CCDC171: variants seen among roughly 807,000 people sequenced by gnomAD.
The protein encoded by CCDC171 is coiled-coil domain containing 171.
In CCDC171, 177 loss-of-function variants were observed where a neutral mutation model predicts 168.2. That is an observed-to-expected ratio of 1.05 (90% CI 0.93 to 1.19). The LOEUF (loss-of-function observed/expected upper bound fraction) is 1.19, where lower values mean the gene tolerates loss of function less well. Among genes scored for constraint, CCDC171 ranks in the 50% most tolerant of loss-of-function variants. The pLI is 0.00. For missense variants in CCDC171, 1,991 were observed against 1,539.0 expected, an observed-to-expected ratio of 1.29 and a Z score of -4.91; for synonymous variants, 687 against 540.8, an observed-to-expected ratio of 1.27 and a Z score of -3.75.
intron 1 of CCDC171, among the ~76,000 whole-genome samples, chr9:16,044,690 A>G (rs897177624): frequency 2.0e-5 from 3 of 152,158 alleles, no homozygotes; most frequent in African/African-American, 7.2e-5. Flanking sequence ...TCCCTCCCAC[A>G]AAGAGGAAGT....
At chr9:15,974,312 C>G (rs1405004204), downstream of CCDC171, among the ~76,000 whole-genome samples, 1 of 152,152 alleles carries the variant, frequency 6.6e-6, no homozygotes, top group Admixed American at 6.6e-5. Context: ...ATCTGAGAAA[C>G]TCTAGACTGC....
chr9:15,578,820 A>C lies in CCDC171; in HGVS notation c.178-29A>C, dbSNP rs757883415. On this transcript the variant is annotated intron_variant, in intron 3 of 25. Coordinates refer to ENST00000380701, the MANE Select transcript of CCDC171 (RefSeq NM_173550.4). ...GTGTATGATCTCATAATCTTTGGAC[A>C]CATGTTGATATCAGGAATCTGTTTT... 3.2e-6 allele frequency: 5 copies of C among 1,584,926 alleles called. No homozygotes were observed. In the African/African-American group the frequency reaches 6.8e-5, roughly 21 times the overall value.
At chr9:15,802,403 C>T (rs1465077703) in intron 21 of CCDC171, among the ~76,000 whole-genome samples, 1 of 152,024 alleles carries the variant, frequency 6.6e-6, no homozygotes, top group Non-Finnish European at 1.5e-5. Context: ...GATCCTCTCC[C>T]TCCTCCCAGC....
chr9:15,896,939 A>G (rs1164685952), intron 24 of CCDC171, among the ~76,000 whole-genome samples: 2 of 152,098 alleles, frequency 1.3e-5, no homozygotes, highest in South Asian at 4.1e-4. Flanking sequence ...CCTAGTTTTT[A>G]TATAAAAGAA....
intron 24 of CCDC171, among the ~76,000 whole-genome samples, chr9:15,892,588 C>A (rs545242080): frequency 1.1e-4 from 17 of 152,192 alleles, no homozygotes; most frequent in African/African-American, 2.9e-4. Flanking sequence ...TCTTAAGCAA[C>A]TTCAGCAAAG....
chr9:15,980,892 T>G (rs1831774533), intron 3 of CCDC171, among the ~76,000 whole-genome samples: 1 of 151,588 alleles, frequency 6.6e-6, no homozygotes, highest in East Asian at 1.9e-4. Context: ...ACTGAGTAAT[T>G]TACAAAAGAA....
chr9:15,915,972 A>T (rs1286538231), intron 24 of CCDC171, among the ~76,000 whole-genome samples: 1 of 152,088 alleles, frequency 6.6e-6, no homozygotes, highest in Non-Finnish European at 1.5e-5. Context: ...TCACCTGGTT[A>T]TAGTGTATTA....
At chr9:15,906,044 CA>C (rs558148571) in intron 24 of CCDC171, among the ~76,000 whole-genome samples, 3 of 151,754 alleles carry the variant, frequency 2.0e-5, no homozygotes, top group South Asian at 4.2e-4. Context: ...GCTTACCAAC[CA>C]AAAAAAATCC....
chr9:15,938,007 A>G (rs368085354), intron 25 of CCDC171, among the ~76,000 whole-genome samples: 14 of 152,012 alleles, frequency 9.2e-5, no homozygotes, highest in East Asian at 7.8e-4. Context: ...AAAATAGAGA[A>G]CAAATTAGTA....
At chr9:15,998,228 C>G (rs1832432134) in intron 3 of CCDC171, among the ~76,000 whole-genome samples, 1 of 152,214 alleles carries the variant, frequency 6.6e-6, no homozygotes, top group Non-Finnish European at 1.5e-5. Context: ...ACAGAGCTGT[C>G]TAATTCAGTA....
chr9:16,046,162 T>G (rs982243334), intron 1 of CCDC171, among the ~76,000 whole-genome samples: 2 of 151,884 alleles, frequency 1.3e-5, no homozygotes, highest in Non-Finnish European at 2.9e-5. Flanking sequence ...TCACTATGGG[T>G]TGGTGAGTGT....
chr9:15,944,706 G>A (rs947463770), intron 25 of CCDC171, among the ~76,000 whole-genome samples: 4 of 151,892 alleles, frequency 2.6e-5, no homozygotes, highest in African/African-American at 7.3e-5. Context: ...TTTCCTTTAT[G>A]TTATAATCAA....
chr9:15,642,223 A>T (rs2046668935), intron 7 of CCDC171, among the ~76,000 whole-genome samples: 1 of 151,620 alleles, frequency 6.6e-6, no homozygotes, highest in East Asian at 1.9e-4. Flanking sequence ...TAATACCTGT[A>T]TTATAGGCAA....
chr9:15,586,117 G>A (rs747274249), intron 4 of CCDC171, among the ~76,000 whole-genome samples: 6 of 152,166 alleles, frequency 3.9e-5, no homozygotes, highest in African/African-American at 1.4e-4. Context: ...GGAGTGAAAT[G>A]TCCTGATGTT....
chr9:16,048,492 A>G (rs1049263959), intron 1 of CCDC171, among the ~76,000 whole-genome samples: 4 of 152,180 alleles, frequency 2.6e-5, no homozygotes, highest in African/African-American at 9.7e-5. Flanking sequence ...CTTCAGTAAC[A>G]GTGACAACCC....
At chr9:15,804,462 C>T (rs1179076799) in intron 21 of CCDC171, among the ~76,000 whole-genome samples, 2 of 147,826 alleles carry the variant, frequency 1.4e-5, no homozygotes, top group Admixed American at 6.7e-5. Flanking sequence ...TATCGAAGGC[C>T]TTTTTTTTTT....
intron 7 of CCDC171, 64 bp downstream of exon 7, chr9:15,623,477 A>ACG (rs1312830159): frequency 2.2e-5 from 7 of 323,544 alleles, no homozygotes; most frequent in African/African-American, 8.5e-5. Flanking sequence ...GCGCGCGCGC[A>ACG]CACACACACA....
chr9:15,821,924 C>T (rs2059788954), intron 21 of CCDC171, among the ~76,000 whole-genome samples: 1 of 49,036 alleles, frequency 2.0e-5, no homozygotes, highest in Admixed American at 1.6e-4. Context: ...CGCTACCTGA[C>T]TTCAAACTAT....
At chr9:15,839,947 A>T (rs1246055730) in intron 21 of CCDC171, among the ~76,000 whole-genome samples, 1 of 148,476 alleles carries the variant, frequency 6.7e-6, no homozygotes, top group Non-Finnish European at 1.5e-5. Context: ...ACCTAAATTT[A>T]TTTTCCCAAT....
Sources: gnomAD v4.1 joint callset for allele counts (sites outside exome capture counted in the v4.1 genomes callset) on GRCh38, gnomAD v4.1.1 for gene constraint, MANE v1.5 for transcripts, NCBI Gene and HGNC (gene_info 2026-07-23, HGNC 2026-07-21) for gene names.